CLEC16A: variants seen among roughly 807,000 people sequenced by gnomAD.
CLEC16A encodes the protein C-type lectin domain containing 16A.
Under a neutral mutation model 109.5 loss-of-function variants are expected in CLEC16A, and 51 were observed. The observed-to-expected ratio is 0.47, with a 90% CI of 0.37 to 0.59. CLEC16A has a LOEUF of 0.59. Ranked by LOEUF, CLEC16A falls within the 20% of genes least tolerant of loss-of-function variation. The probability of loss-of-function intolerance (pLI) is 0.00; values close to 1 mark genes in which losing one functional copy is unlikely to be tolerated. For missense variants in CLEC16A, 1,339 were observed against 1,394.0 expected (o/e 0.96, Z 0.63); for synonymous variants, 673 against 564.2 (o/e 1.19, Z -2.73).
At chr16:11,157,145 T>G in intron 22 of CLEC16A, 4 of 1,271,266 alleles carry the variant, frequency 3.1e-6, no homozygotes, top group Non-Finnish European at 3.1e-6. Flanking sequence ...GCTAAAAGAC[T>G]CTGCAAGTTC....
rs1036697965 is a variant in CLEC16A at position 11,014,493 on chromosome 16, G to C, written c.1304-5700G>C. Among the ~76,000 whole-genome samples, 4 of 152,258 alleles carry C rather than the reference G, an allele frequency of 2.6e-5. No homozygotes were observed. The East Asian group carries it at 7.7e-4, about 29-fold the overall frequency. On this transcript the variant is annotated intron_variant, in intron 11 of 23. Transcript: ENST00000409790. ...GGGCTGCTAGGTTGTAGAGTATAAC[G>C]GTGATTTAAACTTTCCTTTTAAGCT...
At chr16:11,142,006 A>G (rs781130706) in intron 22 of CLEC16A, among the ~76,000 whole-genome samples, 3 of 152,122 alleles carry the variant, frequency 2.0e-5, no homozygotes, top group Admixed American at 6.5e-5. Flanking sequence ...TGACTCGGGC[A>G]CTGGGGATGT....
intron 17 of CLEC16A, among the ~76,000 whole-genome samples, chr16:11,051,047 C>A (rs927347971): frequency 6.6e-6 from 1 of 152,182 alleles, no homozygotes; most frequent in Admixed American, 6.5e-5. Flanking sequence ...CCTCAAAAGC[C>A]CTTAGGTCAC....
chr16:11,172,838 G>A (rs1004315067), intron 23 of CLEC16A, among the ~76,000 whole-genome samples: 13 of 152,268 alleles, frequency 8.5e-5, no homozygotes, highest in Admixed American at 3.3e-4. Flanking sequence ...GCAGTGAGCC[G>A]AGATCATGCC....
At chr16:10,969,339 G>A (rs909710899) in intron 4 of CLEC16A, 30 bp downstream of exon 4, 3 of 1,506,268 alleles carry the variant, frequency 2.0e-6, no homozygotes, top group East Asian at 4.7e-5. Context: ...GCACGTGTGG[G>A]TGTAAAGCCA....
At chr16:11,063,829 A>G (rs1437637085) in intron 19 of CLEC16A, among the ~76,000 whole-genome samples, 2 of 151,596 alleles carry the variant, frequency 1.3e-5, no homozygotes, top group African/African-American at 2.4e-5. Flanking sequence ...GTTTTTCACT[A>G]GAGAGGAGAG....
At chr16:10,997,122 C>T (rs962033463) in intron 10 of CLEC16A, among the ~76,000 whole-genome samples, 10 of 152,114 alleles carry the variant, frequency 6.6e-5, no homozygotes, top group African/African-American at 1.9e-4. Flanking sequence ...CCACCATACC[C>T]AGCTAAATTT....
intron 10 of CLEC16A, among the ~76,000 whole-genome samples, chr16:10,995,617 C>T (rs920857528): frequency 2.6e-5 from 4 of 152,142 alleles, no homozygotes; most frequent in Non-Finnish European, 5.9e-5. Flanking sequence ...TCTCTGGTGC[C>T]CCCTTGTACC....
At chr16:11,125,859 C>T (rs574658312) in intron 21 of CLEC16A, 120 bp from the exon 22 acceptor site, 167 of 947,770 alleles carry the variant, frequency 1.8e-4, no homozygotes, top group Middle Eastern at 1.7e-3. Context: ...GCCCACTTGG[C>T]GTCTCCCAAG....
chr16:11,008,286 A>T (rs2045164480), intron 11 of CLEC16A, among the ~76,000 whole-genome samples: 1 of 152,210 alleles, frequency 6.6e-6, no homozygotes, highest in Non-Finnish European at 1.5e-5. Context: ...GCAACTGAGA[A>T]AATCCTTGAA....
intron 11 of CLEC16A, among the ~76,000 whole-genome samples, chr16:11,012,992 T>C (rs1297870911): frequency 6.6e-6 from 1 of 152,188 alleles, no homozygotes; most frequent in Admixed American, 6.5e-5. Flanking sequence ...CAGGGCACCA[T>C]CCTGTCACAG....
intron 10 of CLEC16A, among the ~76,000 whole-genome samples, chr16:10,995,610 C>G (rs570923379): frequency 1.3e-5 from 2 of 152,346 alleles, no homozygotes; most frequent in African/African-American, 4.8e-5. Flanking sequence ...GAAAATTTCT[C>G]TGGTGCCCCC....
chr16:10,998,946 A>T (rs1013231403), intron 10 of CLEC16A, among the ~76,000 whole-genome samples: 3 of 152,232 alleles, frequency 2.0e-5, no homozygotes, highest in Non-Finnish European at 2.9e-5. Flanking sequence ...GCCAAATTCT[A>T]CCAGCCTCTG....
At position 11,178,605 on chromosome 16, in the gene CLEC16A, C is replaced by G; in HGVS notation, c.3077C>G (p.Pro1026Arg). ...HSLRSLTGMP[P>R]LSTPAAACTE... ...CTCCGCAGCCTCACCGGCATGCCCC[C>G]GCTGTCCACGCCGGCTGCCGCCTGC... The change falls in exon 24 of 24, where the codon CCG becomes CGG. Residue 1026 changes from proline (P) to arginine (R), a missense_variant. Around this residue, in one of 3 missense-constraint regions of CLEC16A, gnomAD observed 1,061 missense variants for 1,006.8 expected, o/e 1.05. Coordinates refer to ENST00000409790, the MANE Select transcript of CLEC16A (RefSeq NM_015226.3). The surrounding 1 kb of genome is among the most constrained non-coding windows in gnomAD (Gnocchi z 6.5). 6.2e-7 allele frequency: 1 copy of G among 1,605,558 alleles called. No individual in the cohort carries two copies. The highest frequency in any genetic ancestry group is 1.1e-5 in the South Asian group (1 of 90,574).
intron 13 of CLEC16A, among the ~76,000 whole-genome samples, chr16:11,026,348 T>C (rs1277907470): frequency 2.4e-4 from 37 of 152,220 alleles, no homozygotes; most frequent in Admixed American, 2.4e-3. Context: ...GCATAGGGCT[T>C]TTTAAGGTTA....
intron 10 of CLEC16A, among the ~76,000 whole-genome samples, chr16:10,999,013 A>G (rs1377703036): frequency 6.6e-6 from 1 of 152,206 alleles, no homozygotes; most frequent in African/African-American, 2.4e-5. Context: ...AACAAAAAAC[A>G]GGTTTTTAAA....
intron 9 of CLEC16A, among the ~76,000 whole-genome samples, chr16:10,982,287 G>T (rs2043365941): frequency 6.6e-6 from 1 of 152,092 alleles, no homozygotes; most frequent in Admixed American, 6.5e-5. Flanking sequence ...GCCCACCTGG[G>T]TTTGCCTCTG....
intron 11 of CLEC16A, among the ~76,000 whole-genome samples, chr16:11,006,196 TG>T (rs1283276556): frequency 2.0e-5 from 3 of 152,168 alleles, no homozygotes; most frequent in African/African-American, 7.2e-5. Flanking sequence ...TTGTGGGTAC[TG>T]TGGGCCTGAC....
intron 1 of CLEC16A, among the ~76,000 whole-genome samples, chr16:10,956,449 G>A (rs550430485): frequency 6.6e-6 from 1 of 152,268 alleles, no homozygotes; most frequent in East Asian, 1.9e-4. Flanking sequence ...GAAAACTGAA[G>A]TTAGCCATAA....
Sources: allele counts gnomAD v4.1 joint callset (sites outside exome capture counted in the v4.1 genomes callset), GRCh38; gene constraint gnomAD v4.1.1; regional missense constraint gnomAD v4.1.1; non-coding constraint Gnocchi (gnomAD v3.1); transcripts MANE v1.5; gene names NCBI Gene and HGNC (gene_info 2026-07-23, HGNC 2026-07-21).